The following ENOX2 variants were observed in gnomAD, a reference collection of about 807,000 sequenced individuals.
ENOX2 encodes ecto-NOX disulfide-thiol exchanger 2.
ENOX2 carries 36 observed loss-of-function variants against 45.0 expected under a neutral mutation model. The observed-to-expected ratio is 0.80, with a 90% CI of 0.61 to 1.06. The LOEUF is 1.06. ENOX2 is among the 50% of genes least tolerant of loss of function. ENOX2 has a pLI of 0.00. For missense variants in ENOX2, 423 were observed against 462.5 expected, an observed-to-expected ratio of 0.91 and a Z score of 0.78; for synonymous variants, 174 against 152.3, an observed-to-expected ratio of 1.14 and a Z score of -1.05.
intron 2 of ENOX2, among the ~76,000 whole-genome samples, chrX:130,823,001 A>G (rs774508798): frequency 9.0e-6 from 1 of 111,729 alleles, no homozygotes; most frequent in South Asian, 3.7e-4. Flanking sequence ...ACCCCATTGT[A>G]AGTCAAGGAG....
intron 2 of ENOX2, among the ~76,000 whole-genome samples, chrX:130,872,860 T>G (rs930655410): frequency 1.8e-5 from 2 of 111,818 alleles, no homozygotes; most frequent in African/African-American, 3.3e-5. Flanking sequence ...AAACTGAAAC[T>G]GGACCCCTTC....
chrX:130,836,475 T>C lies in ENOX2; in HGVS notation c.-182-52785A>G, dbSNP rs74894921. 5.1e-3 allele frequency among the ~76,000 whole-genome samples: 560 copies of C among 109,942 alleles called. 2 individuals are homozygous for C. The highest frequency in any genetic ancestry group is 0.018 in the African/African-American group (533 of 30,200). ...CAGTGAGTCTCCAGAAAAAAAAAAA[T>C]GAGCACATTCAAAGACTCGACTGGC... On this transcript the variant is annotated intron_variant, in intron 2 of 14. Transcript: ENST00000394363.
intron 2 of ENOX2, among the ~76,000 whole-genome samples, chrX:130,829,281 T>C (rs1432818354): frequency 8.9e-6 from 1 of 111,755 alleles, no homozygotes; most frequent in Non-Finnish European, 1.9e-5. Flanking sequence ...AAGCCCTATA[T>C]GGTCAGGTAT....
chrX:130,745,689 C>A lies in ENOX2; in HGVS notation c.-39+37858G>T, dbSNP rs1167943524. Among the ~76,000 whole-genome samples the A allele has an allele frequency of 9.8e-5, 11 of 112,189 alleles. No individual in the cohort carries two copies. In the Admixed American group the frequency reaches 1.0e-3, roughly 11 times the overall value. ...CACTACATGCAGAACCCTGCAATGG[C>A]TATTTATGAAGACCCAGAGAAAGAA... On this transcript the variant is annotated intron_variant, in intron 3 of 14. Transcript: ENST00000394363.
chrX:130,648,109 C>T (rs1409803833), intron 10 of ENOX2, among the ~76,000 whole-genome samples: 1 of 111,671 alleles, frequency 9.0e-6, no homozygotes, highest in Non-Finnish European at 1.9e-5. Context: ...TATGAATTTT[C>T]TTGATTACCT....
chrX:130,719,290 G>C (rs921483491), intron 3 of ENOX2, among the ~76,000 whole-genome samples: 3 of 110,903 alleles, frequency 2.7e-5, no homozygotes, highest in African/African-American at 9.9e-5. Flanking sequence ...CTCAGGTGTT[G>C]AAGGAAGAGA....
intron 3 of ENOX2, among the ~76,000 whole-genome samples, chrX:130,751,251 C>T (rs2039214175): frequency 8.9e-6 from 1 of 111,880 alleles, no homozygotes; most frequent in Non-Finnish European, 1.9e-5. Context: ...TTTCTGTCTC[C>T]ATGGATTTAC....
At chrX:130,679,096 G>C (rs1376126521) in intron 6 of ENOX2, among the ~76,000 whole-genome samples, 1 of 111,785 alleles carries the variant, frequency 8.9e-6, no homozygotes, top group Non-Finnish European at 1.9e-5. Context: ...GTGCTGGGCA[G>C]AGTGGGGAGA....
At chrX:130,875,559 A>G (rs1375161242) in intron 2 of ENOX2, among the ~76,000 whole-genome samples, 2 of 111,893 alleles carry the variant, frequency 1.8e-5, no homozygotes, top group African/African-American at 6.5e-5. Context: ...CAACAGAGAA[A>G]AGTGGTTTTT....
intron 2 of ENOX2, among the ~76,000 whole-genome samples, chrX:130,865,467 A>G (rs1195255780): frequency 8.9e-6 from 1 of 112,105 alleles, no homozygotes; most frequent in Middle Eastern, 4.2e-3. Flanking sequence ...AGAGAGAATC[A>G]ATATGTTTAC....
At chrX:130,788,262 T>C (rs751184000) in intron 2 of ENOX2, among the ~76,000 whole-genome samples, 1 of 112,484 alleles carries the variant, frequency 8.9e-6, no homozygotes, top group Non-Finnish European at 1.9e-5. Flanking sequence ...ATTACCATAT[T>C]GTAATCCTCA....
At chrX:130,673,601 C>A (rs1382196548) in intron 6 of ENOX2, among the ~76,000 whole-genome samples, 1 of 110,787 alleles carries the variant, frequency 9.0e-6, no homozygotes, top group African/African-American at 3.3e-5. Flanking sequence ...GAACACTGGT[C>A]TTTTGAACTG....
intron 3 of ENOX2, among the ~76,000 whole-genome samples, chrX:130,733,871 G>C (rs1474424604): frequency 8.9e-6 from 1 of 112,124 alleles, no homozygotes; most frequent in Non-Finnish European, 1.9e-5. Context: ...TTATACTACA[G>C]TTTTGTAAAA....
At chrX:130,800,342 C>CA (rs199592323) in intron 2 of ENOX2, among the ~76,000 whole-genome samples, 5,684 of 62,005 alleles carry the variant, frequency 0.092, 315 homozygotes, top group African/African-American at 0.22. Context: ...AATGAGTAGT[C>CA]AAAAAAAAAA....
intron 2 of ENOX2, among the ~76,000 whole-genome samples, chrX:130,816,075 A>C (rs901798984): frequency 9.0e-6 from 1 of 111,541 alleles, no homozygotes; most frequent in Non-Finnish European, 1.9e-5. Context: ...TGGAAAGCAA[A>C]ACAAAAACAA....
chrX:130,671,714 A>G (rs2148130532), intron 6 of ENOX2, among the ~76,000 whole-genome samples: 1 of 111,686 alleles, frequency 9.0e-6, no homozygotes, highest in East Asian at 2.8e-4. Context: ...AAAAACTCAC[A>G]CTTCTGGTAC....
intron 3 of ENOX2, among the ~76,000 whole-genome samples, chrX:130,759,223 T>G (rs757157771): frequency 2.7e-5 from 3 of 111,507 alleles, no homozygotes; most frequent in Non-Finnish European, 3.8e-5. Context: ...TGAGTATATT[T>G]TTACAGGAGT....
chrX:130,684,803 AC>A (rs2037403352), intron 5 of ENOX2, among the ~76,000 whole-genome samples: 1 of 111,152 alleles, frequency 9.0e-6, no homozygotes, highest in Non-Finnish European at 1.9e-5. Flanking sequence ...GTCTTTAAAA[AC>A]AATACAAAAA....
At chrX:130,715,182 C>T (rs2038294479) in intron 3 of ENOX2, among the ~76,000 whole-genome samples, 1 of 111,255 alleles carries the variant, frequency 9.0e-6, no homozygotes, top group Admixed American at 9.6e-5. Context: ...ATATTGTTGA[C>T]TTGCTGTGTA....
Sources: allele counts gnomAD v4.1 joint callset (sites outside exome capture counted in the v4.1 genomes callset), GRCh38; gene constraint gnomAD v4.1.1; transcripts MANE v1.5; gene names NCBI Gene and HGNC (gene_info 2026-07-23, HGNC 2026-07-21).